Variants in MRTFA observed in about 807,000 individuals in gnomAD.
MRTFA encodes myocardin related transcription factor A.
In MRTFA, 20 loss-of-function variants were observed where a neutral mutation model predicts 83.5. That is an observed-to-expected ratio of 0.24 (90% confidence interval 0.17 to 0.35). MRTFA has a LOEUF of 0.35. Among genes scored for constraint, MRTFA ranks in the 10% least tolerant of loss-of-function variants. MRTFA has a pLI of 1.00. For missense variants in MRTFA, 1,200 were observed against 1,224.7 expected, an observed-to-expected ratio of 0.98 and a Z score of 0.30; for synonymous variants, 659 against 541.2, an observed-to-expected ratio of 1.22 and a Z score of -3.02.
At chr22:40,621,268 CTT>C (rs2056519972) in intron 1 of MRTFA, among the ~76,000 whole-genome samples, 1 of 151,762 alleles carries the variant, frequency 6.6e-6, no homozygotes, top group Non-Finnish European at 1.5e-5. Flanking sequence ...TAAAAATACT[CTT>C]TACTCTTTCA....
At chr22:40,498,933 G>A (rs1236684368) in intron 3 of MRTFA, among the ~76,000 whole-genome samples, 1 of 151,954 alleles carries the variant, frequency 6.6e-6, no homozygotes, top group Non-Finnish European at 1.5e-5. Flanking sequence ...ACGGTTTTAG[G>A]GTGAATTTAA....
Position 40,587,591 on chromosome 22 carries a change from C to T in MRTFA, c.-22+7083G>A, listed in dbSNP as rs1267319786. On this transcript the variant is annotated intron_variant, in intron 2 of 14. Transcript: ENST00000355630. ...TTAATATGATGACCTGTAGACATGA[C>T]CAGCACTGGTAAGGCAGAGGCAGCC... 9.7e-6 allele frequency: 3 copies of T among 307,796 alleles called. No homozygotes were observed. In the East Asian group the frequency reaches 2.7e-4, roughly 27 times the overall value. 19.1% of individuals were successfully genotyped at this position (307,796 alleles called of 1,614,324 possible). A position where few individuals can be genotyped will look rare whatever the true frequency, so the allele number is the denominator to read the frequency against.
intron 2 of MRTFA, among the ~76,000 whole-genome samples, chr22:40,590,391 G>A (rs534923134): frequency 6.6e-6 from 1 of 152,104 alleles, no homozygotes; most frequent in South Asian, 2.1e-4. Flanking sequence ...CAGTGTAGCC[G>A]GGCGCGGTGG....
At chr22:40,584,049 G>A (rs966826220) in intron 2 of MRTFA, among the ~76,000 whole-genome samples, 11 of 151,916 alleles carry the variant, frequency 7.2e-5, no homozygotes, top group Admixed American at 3.3e-4. Flanking sequence ...CACAATAATC[G>A]AGTGTGACAG....
At chr22:40,588,413 C>T (rs1188893041) in intron 2 of MRTFA, among the ~76,000 whole-genome samples, 1 of 152,182 alleles carries the variant, frequency 6.6e-6, no homozygotes, top group Non-Finnish European at 1.5e-5. Context: ...ACGCTATTGG[C>T]ATTTTGGGTG....
chr22:40,621,213 A>C (rs900836831), intron 1 of MRTFA, among the ~76,000 whole-genome samples: 1 of 152,010 alleles, frequency 6.6e-6, no homozygotes, highest in African/African-American at 2.4e-5. Context: ...AAGAAGACTG[A>C]AAGATGTTGG....
Position 40,420,566 on chromosome 22 carries a change from C to T in MRTFA, c.1192G>A (p.Glu398Lys), listed in dbSNP as rs34004854. The stretch of plus-strand genomic sequence containing the variant: ...GGGGTCCCGCTGCTTCCCAGGGCCT[C>T]GCCTGCTGACCTGGGAAGAAAAGGC... Residue 398 changes from glutamate to lysine, a missense_variant, in exon 11 of 15, where the codon GAG becomes AAG. By Grantham distance (56) the Glu-to-Lys change is moderately conservative. Transcript: ENST00000355630. 169 of 1,613,110 alleles carry T rather than the reference C, an allele frequency of 1.0e-4. 1 individual carries two copies. Among genetic ancestry groups the T allele is most frequent in the Non-Finnish European group, 3.7e-5 (44 of 1,179,916 alleles).
chr22:40,561,214 G>GTGTGTGTGTGTGTGTC (rs1569328930), intron 2 of MRTFA, among the ~76,000 whole-genome samples: 2 of 70,410 alleles, frequency 2.8e-5, no homozygotes, highest in East Asian at 1.4e-3. Context: ...GTGTGTGTCT[G>GTGTGTGTGTGTGTGTC]TGTGTGTGTG....
At chr22:40,418,298 G>C in intron 12 of MRTFA, 76 bp downstream of exon 12, 1 of 1,546,132 alleles carries the variant, frequency 6.5e-7, no homozygotes, top group Non-Finnish European at 8.7e-7. Flanking sequence ...GGGGTCCCCT[G>C]GCCCAAGAGG....
chr22:40,632,687 C>T (rs1432093659), intron 1 of MRTFA, among the ~76,000 whole-genome samples: 1 of 152,162 alleles, frequency 6.6e-6, no homozygotes, highest in Non-Finnish European at 1.5e-5. Flanking sequence ...CCACCTGCCT[C>T]AGCCTCCCAA....
chr22:40,418,283 C>T (rs1368680798), intron 12 of MRTFA, 91 bp downstream of exon 12: 8 of 1,527,056 alleles, frequency 5.2e-6, no homozygotes, highest in Non-Finnish European at 7.0e-6. Context: ...AAATGTCCAG[C>T]ACGAGGGGTC....
intron 2 of MRTFA, among the ~76,000 whole-genome samples, chr22:40,585,804 T>A (rs188516432): frequency 6.4e-4 from 98 of 152,348 alleles, no homozygotes; most frequent in Non-Finnish European, 1.0e-3. Flanking sequence ...ATAGTAAGAC[T>A]TGGGATATAT....
chr22:40,504,887 A>G (rs1267036973), intron 3 of MRTFA, among the ~76,000 whole-genome samples: 1 of 152,174 alleles, frequency 6.6e-6, no homozygotes, highest in Non-Finnish European at 1.5e-5. Flanking sequence ...AAACTTACCT[A>G]TTCTAAGAAA....
intron 3 of MRTFA, among the ~76,000 whole-genome samples, chr22:40,543,509 T>C (rs1453567930): frequency 6.6e-6 from 1 of 152,188 alleles, no homozygotes; most frequent in African/African-American, 2.4e-5. Flanking sequence ...TCCAATCCTA[T>C]CCAGCACCTC....
chr22:40,588,776 G>A (rs974667772), intron 2 of MRTFA, among the ~76,000 whole-genome samples: 1 of 152,168 alleles, frequency 6.6e-6, no homozygotes, highest in Non-Finnish European at 1.5e-5. Context: ...GAGCCCAGGA[G>A]TTCGAGACCA....
In MRTFA at chr22:40,418,502, C is replaced by T. The variant is rs2052740079; in HGVS notation, c.2236G>A (p.Gly746Ser). The T allele has an allele frequency of 1.9e-6, 3 of 1,601,190 alleles. No individual in the cohort carries two copies. The highest frequency in any genetic ancestry group is 1.7e-6 in the Non-Finnish European group (2 of 1,176,014). ...GCAACCCCCTTGATGAGGCTGGGGCCCTGAGGCCCCAGAAGCAACTGGGGG... is the reference window on the plus strand; with the variant it reads ...GCAACCCCCTTGATGAGGCTGGGGCTCTGAGGCCCCAGAAGCAACTGGGGG... The change falls in exon 12 of 15, where the codon GGC becomes AGC. Residue 746 changes from glycine (G) to serine (S), a missense_variant. Around this residue, in one of 2 missense-constraint regions of MRTFA, gnomAD observed 1,107 missense variants for 1,041.8 expected, o/e 1.06. Transcript: ENST00000355630.
At chr22:40,522,381 C>G (rs1212473502) in intron 3 of MRTFA, 1 of 152,194 alleles carries the variant, frequency 6.6e-6, no homozygotes, top group African/African-American at 2.4e-5. Context: ...AGAAGGAGTT[C>G]AACTTCCAGA....
chr22:40,632,594 C>T (rs977303910), intron 1 of MRTFA, among the ~76,000 whole-genome samples: 4 of 152,178 alleles, frequency 2.6e-5, no homozygotes, highest in Non-Finnish European at 5.9e-5. Context: ...CATCACCAAA[C>T]CTACCTAATT....
At chr22:40,594,351 G>T (rs2056161670) in intron 2 of MRTFA, among the ~76,000 whole-genome samples, 1 of 152,162 alleles carries the variant, frequency 6.6e-6, no homozygotes, top group African/African-American at 2.4e-5. Flanking sequence ...AAAAACTTCT[G>T]CCCTCAAGGA....
Sources: gnomAD v4.1 joint callset for allele counts (sites outside exome capture counted in the v4.1 genomes callset) on GRCh38, gnomAD v4.1.1 for gene constraint, gnomAD v4.1.1 regional missense constraint, MANE v1.5 for transcripts, NCBI Gene and HGNC (gene_info 2026-07-23, HGNC 2026-07-21) for gene names.